Variants in LOC128462377 observed in about 807,000 individuals in gnomAD.
At chr16:89,337,366 ACACT>A in the LOC128462377 span, among the ~76,000 whole-genome samples, 3 of 147,578 alleles carry the variant, frequency 2.0e-5, no homozygotes, top group Non-Finnish European at 4.5e-5. Context: ...TTGCCATCAG[ACACT>A]CACAGTTTTT....
the LOC128462377 span, among the ~76,000 whole-genome samples, chr16:89,381,794 G>C: frequency 1.3e-5 from 2 of 152,174 alleles, no homozygotes; most frequent in Non-Finnish European, 2.9e-5. Context: ...TGTTCCCCGA[G>C]CACATTGACC....
At chr16:89,375,386 C>T in the LOC128462377 span, among the ~76,000 whole-genome samples, 3 of 152,150 alleles carry the variant, frequency 2.0e-5, no homozygotes, top group Non-Finnish European at 2.9e-5. Context: ...CCCGGGAGTC[C>T]AAGACTGCAG....
the LOC128462377 span, among the ~76,000 whole-genome samples, chr16:89,383,066 C>T: frequency 2.6e-5 from 4 of 152,332 alleles, no homozygotes; most frequent in South Asian, 4.1e-4. Flanking sequence ...ATACCTCTCT[C>T]GTCTGGATTC....
chr16:89,401,394 T>C, the LOC128462377 span, among the ~76,000 whole-genome samples: 1 of 152,158 alleles, frequency 6.6e-6, no homozygotes, highest in Non-Finnish European at 1.5e-5. Flanking sequence ...CTCTCTTGAT[T>C]ATGCAGCCAC....
the LOC128462377 span, among the ~76,000 whole-genome samples, chr16:89,329,628 TA>T: frequency 0.59 from 89,918 of 152,028 alleles, 26,814 homozygotes; most frequent in Middle Eastern, 0.71. Context: ...AGGAATAAAG[TA>T]AAAAAACAGT....
At chr16:89,399,202 C>G in the LOC128462377 span, among the ~76,000 whole-genome samples, 6 of 152,246 alleles carry the variant, frequency 3.9e-5, no homozygotes, top group African/African-American at 1.4e-4. Context: ...AGAGGCAGAA[C>G]CGAGTTCAGG....
the LOC128462377 span, among the ~76,000 whole-genome samples, chr16:89,380,475 C>T: frequency 9.2e-5 from 14 of 152,304 alleles, no homozygotes; most frequent in African/African-American, 3.4e-4. Context: ...CTTCAGATAG[C>T]TTCCTTGGGG....
At chr16:89,383,271 A>C in the LOC128462377 span, among the ~76,000 whole-genome samples, 2 of 152,222 alleles carry the variant, frequency 1.3e-5, no homozygotes, top group Non-Finnish European at 2.9e-5. Context: ...CGGCTCTGCC[A>C]GAAGCACTGC....
the LOC128462377 span, among the ~76,000 whole-genome samples, chr16:89,380,433 T>G: frequency 1.3e-5 from 2 of 152,106 alleles, no homozygotes; most frequent in African/African-American, 2.4e-5. Context: ...TTTTAACTCC[T>G]TTTCTCCTAA....
the LOC128462377 span, among the ~76,000 whole-genome samples, chr16:89,396,234 G>A: frequency 6.6e-6 from 1 of 152,218 alleles, no homozygotes; most frequent in Non-Finnish European, 1.5e-5. Context: ...TTCTGATGTA[G>A]TAAAATCAAG....
chr16:89,411,038 A>T, the LOC128462377 span, among the ~76,000 whole-genome samples: 1 of 152,102 alleles, frequency 6.6e-6, no homozygotes, highest in African/African-American at 2.4e-5. Flanking sequence ...AGGAGGCAGG[A>T]TCCTGAAGCT....
the LOC128462377 span, among the ~76,000 whole-genome samples, chr16:89,352,177 AT>A: frequency 6.6e-6 from 1 of 152,082 alleles, no homozygotes; most frequent in African/African-American, 2.4e-5. Context: ...GGCGTGAGCC[AT>A]TGCACCTGGC....
chr16:89,380,461 G>A, the LOC128462377 span, among the ~76,000 whole-genome samples: 3 of 152,132 alleles, frequency 2.0e-5, no homozygotes, highest in African/African-American at 7.2e-5. Context: ...AGAGCTCCCT[G>A]AGCCTTCAGA....
At chr16:89,396,419 T>C in the LOC128462377 span, among the ~76,000 whole-genome samples, 1 of 152,200 alleles carries the variant, frequency 6.6e-6, no homozygotes, top group African/African-American at 2.4e-5. Context: ...GAGACTCCCC[T>C]GCTGCTGGAA....
At chr16:89,402,827 G>A in the LOC128462377 span, among the ~76,000 whole-genome samples, 93 of 145,596 alleles carry the variant, frequency 6.4e-4, no homozygotes, top group Admixed American at 2.5e-3. Flanking sequence ...TTGGGGGGGC[G>A]GCACTGCGGG....
the LOC128462377 span, among the ~76,000 whole-genome samples, chr16:89,404,284 A>G: frequency 6.6e-6 from 1 of 152,184 alleles, no homozygotes; most frequent in African/African-American, 2.4e-5. Context: ...CTAAATCACC[A>G]GCAAAGACTC....
the LOC128462377 span, among the ~76,000 whole-genome samples, chr16:89,336,205 C>T: frequency 6.6e-6 from 1 of 152,228 alleles, no homozygotes; most frequent in Admixed American, 6.5e-5. Context: ...TCCTTGTGGG[C>T]TACTCAAGAC....
At chr16:89,396,256 C>G in the LOC128462377 span, among the ~76,000 whole-genome samples, 6 of 152,194 alleles carry the variant, frequency 3.9e-5, no homozygotes, top group Non-Finnish European at 1.5e-5. Flanking sequence ...GGATCCACGT[C>G]GGGAGATGCA....
the LOC128462377 span, among the ~76,000 whole-genome samples, chr16:89,353,939 C>T: frequency 4.6e-5 from 7 of 152,206 alleles, no homozygotes; most frequent in Non-Finnish European, 7.4e-5. Flanking sequence ...TGAGGGGCGG[C>T]GGGCAGAGAT....
Sources: gnomAD v4.1 joint callset for allele counts (sites outside exome capture counted in the v4.1 genomes callset) on GRCh38, gnomAD v4.1.1 for gene constraint, MANE v1.5 for transcripts.